The following ITSN1 variants were observed in gnomAD, a reference collection of about 807,000 sequenced individuals.
ITSN1 encodes intersectin-1.
ITSN1 carries 58 observed loss-of-function variants against 239.8 expected under a neutral mutation model. That is an observed-to-expected ratio of 0.24 (90% confidence interval 0.20 to 0.30). ITSN1 has a LOEUF of 0.30. ITSN1 is among the 10% of genes least tolerant of loss of function. The pLI is 1.00. For missense variants in ITSN1, 1,558 were observed against 2,103.3 expected, an observed-to-expected ratio of 0.74 and a Z score of 5.07; for synonymous variants, 780 against 770.8, an observed-to-expected ratio of 1.01 and a Z score of -0.20.
chr21:33,646,661 C>G lies in ITSN1; in HGVS notation c.-33+3948C>G, dbSNP rs550932011. ...ACATGGAAATAGTAATAATAAAGTT[C>G]ACATACTTCTAAGTGCTTACCTAAG... On this transcript the variant is annotated intron_variant, in intron 1 of 39. Transcript: ENST00000381318. Among the ~76,000 whole-genome samples the G allele has an allele frequency of 2.0e-4, 30 of 152,264 alleles. No homozygotes were observed. The South Asian group carries it at 5.8e-3, about 29-fold the overall frequency.
chr21:33,756,582 G>A (rs539205713), intron 8 of ITSN1, among the ~76,000 whole-genome samples: 3 of 152,266 alleles, frequency 2.0e-5, no homozygotes, highest in Non-Finnish European at 4.4e-5. Flanking sequence ...AAATGTCAGA[G>A]TTGGACGAGA....
At chr21:33,763,934 A>G (rs2068543522) in intron 9 of ITSN1, among the ~76,000 whole-genome samples, 1 of 152,218 alleles carries the variant, frequency 6.6e-6, no homozygotes, top group African/African-American at 2.4e-5. Context: ...ATCAAGCTCT[A>G]ATGCAGCTTC....
chr21:33,717,892 T>TA (rs1397120764), intron 1 of ITSN1, among the ~76,000 whole-genome samples: 1 of 152,176 alleles, frequency 6.6e-6, no homozygotes, highest in African/African-American at 2.4e-5. Flanking sequence ...TGTTTTTAGT[T>TA]AGAGAAGAGG....
At chr21:33,694,076 C>T (rs750485581) in intron 1 of ITSN1, among the ~76,000 whole-genome samples, 1 of 152,214 alleles carries the variant, frequency 6.6e-6, no homozygotes, top group South Asian at 2.1e-4. Context: ...TGCAATAGCA[C>T]GATCGTAGCT....
At chr21:33,751,355 T>C (rs889347967) in intron 6 of ITSN1, among the ~76,000 whole-genome samples, 1 of 152,204 alleles carries the variant, frequency 6.6e-6, no homozygotes, top group African/African-American at 2.4e-5. Flanking sequence ...CCAACCCCAG[T>C]GATAATCAGA....
intron 1 of ITSN1, among the ~76,000 whole-genome samples, chr21:33,694,496 A>G (rs1359132919): frequency 6.6e-6 from 1 of 152,170 alleles, no homozygotes; most frequent in Non-Finnish European, 1.5e-5. Flanking sequence ...ATTGGGTAAA[A>G]TGGAAAGAAC....
chr21:33,775,513 A>G (rs1184713032), intron 14 of ITSN1, among the ~76,000 whole-genome samples: 1 of 152,210 alleles, frequency 6.6e-6, no homozygotes, highest in Non-Finnish European at 1.5e-5. Context: ...GATTTTAACT[A>G]AGGTAGCCAA....
At position 33,650,851 on chromosome 21, in the gene ITSN1, A is replaced by T. The variant is rs981974342; in HGVS notation, c.-33+8138A>T. On this transcript the variant is annotated intron_variant, in intron 1 of 39. Transcript: ENST00000381318. ...TTTCCTGCACTTAATATAAAGAGCTAATATTAAAGTCATTAAATGAGAATA... is the reference window on the plus strand; with the variant it reads ...TTTCCTGCACTTAATATAAAGAGCTTATATTAAAGTCATTAAATGAGAATA... Among the ~76,000 whole-genome samples the T allele has an allele frequency of 3.9e-5, 6 of 152,278 alleles. No individual in the cohort carries two copies. The East Asian group carries it at 1.2e-3, about 29-fold the overall frequency.
chr21:33,709,624 A>G (rs2092355439), intron 1 of ITSN1, among the ~76,000 whole-genome samples: 1 of 152,166 alleles, frequency 6.6e-6, no homozygotes, highest in South Asian at 2.1e-4. Context: ...ACATATTTTG[A>G]TGCTACTGTA....
intron 31 of ITSN1, among the ~76,000 whole-genome samples, chr21:33,863,454 G>A (rs867560592): frequency 7.2e-5 from 11 of 152,152 alleles, no homozygotes; most frequent in African/African-American, 2.7e-4. Context: ...TCAGCAGTTC[G>A]AGACCAGCCT....
chr21:33,725,564 A>T (rs539320478), intron 4 of ITSN1, among the ~76,000 whole-genome samples: 1 of 152,132 alleles, frequency 6.6e-6, no homozygotes, highest in African/African-American at 2.4e-5. Flanking sequence ...TGTGCCTTCT[A>T]GCGTGGGTGA....
At chr21:33,750,524 AAT>A (rs2067480890) in intron 6 of ITSN1, among the ~76,000 whole-genome samples, 1 of 152,170 alleles carries the variant, frequency 6.6e-6, no homozygotes, top group South Asian at 2.1e-4. Context: ...AGTCAAAGAG[AAT>A]TATAGATTTC....
chr21:33,695,599 A>G (rs1289558368), intron 1 of ITSN1, among the ~76,000 whole-genome samples: 2 of 152,238 alleles, frequency 1.3e-5, no homozygotes, highest in South Asian at 2.1e-4. Flanking sequence ...TGGAATTGTG[A>G]ATAAATTAGA....
rs751878444 is a variant in ITSN1, at chr21:33,826,795, G to A, written c.3184-23G>A. 14 of 1,611,310 alleles carry A rather than the reference G, an allele frequency of 8.7e-6. No homozygotes were observed. In the South Asian group the frequency reaches 1.2e-4, roughly 14 times the overall value. On this transcript the variant is annotated intron_variant, in intron 25 of 39. Coordinates refer to ENST00000381318, the MANE Select transcript of ITSN1 (RefSeq NM_003024.3). The stretch of plus-strand genomic sequence containing the variant: ...ATGATCAAAACTTCAGCATGCAAAT[G>A]AGACCTTTTGCTCTGTTTTAAGGGC...
chr21:33,843,902 G>A (rs1167282256), intron 29 of ITSN1, among the ~76,000 whole-genome samples: 1 of 152,230 alleles, frequency 6.6e-6, no homozygotes, highest in Non-Finnish European at 1.5e-5. Flanking sequence ...CTTTGTTGCT[G>A]TTGTTTTTAT....
chr21:33,709,861 T>C (rs2092361678), intron 1 of ITSN1, among the ~76,000 whole-genome samples: 1 of 152,072 alleles, frequency 6.6e-6, no homozygotes. Flanking sequence ...ATTTTTTGCT[T>C]GTTGTTTTTC....
At chr21:33,855,038 G>C (rs1979055484) in intron 29 of ITSN1, among the ~76,000 whole-genome samples, 1 of 152,108 alleles carries the variant, frequency 6.6e-6, no homozygotes. Flanking sequence ...AACCTCTAAA[G>C]CAGCAAAGCA....
At chr21:33,657,128 G>T (rs908253029) in intron 1 of ITSN1, among the ~76,000 whole-genome samples, 10 of 152,138 alleles carry the variant, frequency 6.6e-5, no homozygotes, top group Non-Finnish European at 1.2e-4. Flanking sequence ...TGAACCAGTT[G>T]CCCAAGTAGT....
At chr21:33,799,061 A>G (rs541712417) in intron 18 of ITSN1, among the ~76,000 whole-genome samples, 18 of 152,298 alleles carry the variant, frequency 1.2e-4, no homozygotes, top group African/African-American at 4.1e-4. Context: ...TGCTTTTCAG[A>G]TAAGATAGGT....
Sources: allele counts gnomAD v4.1 joint callset (sites outside exome capture counted in the v4.1 genomes callset), GRCh38; gene constraint gnomAD v4.1.1; transcripts MANE v1.5; gene names NCBI Gene and HGNC (gene_info 2026-07-23, HGNC 2026-07-21).